The following KITLG variants were observed in gnomAD, a reference collection of about 807,000 sequenced individuals.
The protein encoded by KITLG is c-Kit ligand.
Under a neutral mutation model 34.1 loss-of-function variants are expected in KITLG, and 13 were observed. The ratio of observed to expected loss-of-function variants is 0.38; its 90% confidence interval spans 0.25 to 0.61. KITLG has a LOEUF of 0.61. Ranked by LOEUF, KITLG falls within the 20% of genes least tolerant of loss-of-function variation. The pLI is 0.60. For synonymous variants in KITLG, 110 were observed against 104.0 expected (o/e 1.06, Z -0.35); for missense variants, 292 against 318.9 (o/e 0.92, Z 0.64).
intron 1 of KITLG, among the ~76,000 whole-genome samples, chr12:88,579,673 T>C (rs1008406789): frequency 1.3e-5 from 2 of 152,028 alleles, no homozygotes; most frequent in African/African-American, 4.8e-5. Flanking sequence ...AGCTGCAAAC[T>C]AGGCAGACAC....
At chr12:88,521,588 T>C (rs961641023) in intron 3 of KITLG, among the ~76,000 whole-genome samples, 6 of 152,164 alleles carry the variant, frequency 3.9e-5, no homozygotes, top group African/African-American at 1.4e-4. Flanking sequence ...GAAAGTAAGA[T>C]ATAATGTTCT....
intron 1 of KITLG, among the ~76,000 whole-genome samples, chr12:88,567,975 C>T (rs10777130): frequency 0.75 from 114,052 of 152,150 alleles, 47,778 homozygotes; most frequent in Middle Eastern, 0.93. Context: ...TTTTAGAAGA[C>T]ATTAATAAAC....
intron 8 of KITLG, among the ~76,000 whole-genome samples, 200 bp downstream of exon 8, chr12:88,506,111 G>A (rs1222908650): frequency 1.3e-5 from 2 of 152,152 alleles, no homozygotes; most frequent in Admixed American, 6.5e-5. Context: ...AGACAATTAT[G>A]TGAAGGTATT....
rs1353599951 is a variant in KITLG, at chr12:88,497,166, A to C, written c.*53T>G. 3 of 449,968 alleles carry C rather than the reference A, an allele frequency of 6.7e-6. No homozygotes were observed. The highest frequency in any genetic ancestry group is 1.3e-5 in the Non-Finnish European group (3 of 223,974). 27.9% of individuals were successfully genotyped at this position (449,968 alleles called of 1,614,324 possible). A position where few individuals can be genotyped will look rare whatever the true frequency, so the allele number is the denominator to read the frequency against. On this transcript the variant is annotated 3_prime_UTR_variant, in exon 10 of 10. Transcript: ENST00000644744. The stretch of plus-strand genomic sequence containing the variant: ...AAGCTGCTTCATTTATGAAGCAAAC[A>C]TGAACTGTTACCAGCCTAGAAAGGA...
chr12:88,494,151 T>C lies in KITLG; in HGVS notation c.*3068A>G, dbSNP rs1288920274. ...GAAGAGAGGTGATTTACCATATCAG[T>C]TAATGACAGACTGGAGGCTCCGGAT... On this transcript the variant is annotated 3_prime_UTR_variant, in exon 10 of 10. Coordinates refer to ENST00000644744, the MANE Select transcript of KITLG (RefSeq NM_000899.5). The C allele has an allele frequency of 6.6e-6, 1 of 151,860 alleles. No homozygotes were observed. The allele number at this position is 151,860 out of a possible 1,614,324, so 9.4% of individuals were successfully genotyped here. A position where few individuals can be genotyped will look rare whatever the true frequency, so the allele number is the denominator to read the frequency against.
intron 1 of KITLG, among the ~76,000 whole-genome samples, chr12:88,559,047 CT>C (rs999506621): frequency 6.6e-6 from 1 of 152,148 alleles, no homozygotes; most frequent in Non-Finnish European, 1.5e-5. Flanking sequence ...CAAACACCCC[CT>C]GTTCCCCAAT....
chr12:88,536,822 C>T (rs924346365), intron 2 of KITLG, among the ~76,000 whole-genome samples: 1 of 151,936 alleles, frequency 6.6e-6, no homozygotes, highest in African/African-American at 2.4e-5. Flanking sequence ...CATCACACAC[C>T]AGGGCCTGTT....
At chr12:88,558,285 C>A (rs1871167369) in intron 1 of KITLG, among the ~76,000 whole-genome samples, 1 of 152,096 alleles carries the variant, frequency 6.6e-6, no homozygotes, top group Non-Finnish European at 1.5e-5. Context: ...GAGGAAGCAG[C>A]TCAGAAAATT....
intron 1 of KITLG, among the ~76,000 whole-genome samples, chr12:88,559,934 C>T (rs181391331): frequency 6.6e-6 from 1 of 152,192 alleles, no homozygotes; most frequent in Non-Finnish European, 1.5e-5. Flanking sequence ...ATGCCCAGGA[C>T]TTGTTCTTCT....
Position 88,518,906 on chromosome 12 carries a change from A to G in KITLG, c.193-39T>C, listed in dbSNP as rs376261106. On this transcript the variant is annotated intron_variant, in intron 3 of 9. Transcript: ENST00000644744. ...AAAAAGAGACAAAACAGCTATTTTA[A>G]TAAGTAAGTGCCATAAAACTCGGAG... The G allele has an allele frequency of 6.3e-6, 10 of 1,580,390 alleles. No individual in the cohort carries two copies. In the African/African-American group the frequency reaches 1.3e-4, roughly 21 times the overall value.
At chr12:88,515,685 G>A (rs1869431314) in intron 5 of KITLG, 68 bp from the exon 6 acceptor site, 2 of 1,173,160 alleles carry the variant, frequency 1.7e-6, no homozygotes, top group South Asian at 1.2e-5. Context: ...TCCCTGAAAG[G>A]TGAAGTGCAA....
chr12:88,509,173 A>C (rs1869181964), intron 6 of KITLG, among the ~76,000 whole-genome samples: 2 of 152,160 alleles, frequency 1.3e-5, no homozygotes, highest in Non-Finnish European at 2.9e-5. Flanking sequence ...TCCAATGGAA[A>C]ACTCTAACAA....
At chr12:88,519,050 G>A (rs1024015104) in intron 3 of KITLG, among the ~76,000 whole-genome samples, 183 bp from the exon 4 acceptor site, 4 of 152,028 alleles carry the variant, frequency 2.6e-5, no homozygotes, top group Non-Finnish European at 5.9e-5. Context: ...TTAGTAGAGA[G>A]GAAGTTTCAC....
intron 6 of KITLG, among the ~76,000 whole-genome samples, chr12:88,512,297 T>C (rs1355393191): frequency 6.6e-6 from 1 of 152,034 alleles, no homozygotes; most frequent in Non-Finnish European, 1.5e-5. Context: ...AGATCAGAGA[T>C]GGCAGAACAA....
At chr12:88,507,161 T>C (rs1566018774) in intron 6 of KITLG, 24 bp from the exon 7 acceptor site, 12 of 1,346,678 alleles carry the variant, frequency 8.9e-6, no homozygotes, top group Non-Finnish European at 1.3e-5. Context: ...AACACACTGA[T>C]GAATACAGCA....
chr12:88,563,962 C>A (rs199797270), intron 1 of KITLG, among the ~76,000 whole-genome samples: 16 of 149,420 alleles, frequency 1.1e-4, no homozygotes, highest in South Asian at 2.1e-4. Context: ...AACTCCATCT[C>A]AAAAAAAAAG....
At chr12:88,548,448 C>T (rs892333151) in intron 1 of KITLG, among the ~76,000 whole-genome samples, 1 of 83,338 alleles carries the variant, frequency 1.2e-5, no homozygotes, top group African/African-American at 2.8e-5. Context: ...AGCTAGACTA[C>T]ATCACCAAAA....
intron 3 of KITLG, among the ~76,000 whole-genome samples, chr12:88,520,861 A>C (rs1869631447): frequency 6.6e-6 from 1 of 152,106 alleles, no homozygotes; most frequent in South Asian, 2.1e-4. Flanking sequence ...TTTTCACATA[A>C]CTAAATCAAC....
Position 88,494,857 on chromosome 12 carries a change from T to G in KITLG, c.*2362A>C, listed in dbSNP as rs1426825871. On this transcript the variant is annotated 3_prime_UTR_variant, in exon 10 of 10. Coordinates refer to ENST00000644744, the MANE Select transcript of KITLG (RefSeq NM_000899.5). ...TTTCCATGATTTATGAAGAAGGATATTCAGAACACATCTGGGATAAAATAA... is the reference window on the plus strand; with the variant it reads ...TTTCCATGATTTATGAAGAAGGATAGTCAGAACACATCTGGGATAAAATAA... The G allele has an allele frequency of 1.3e-5, 2 of 152,176 alleles. No individual in the cohort carries two copies. Among genetic ancestry groups the G allele is most frequent in the South Asian group, 4.1e-4 (2 of 4,830 alleles). The allele number at this position is 152,176 out of a possible 1,614,324, so 9.4% of individuals were successfully genotyped here.
Sources: allele counts gnomAD v4.1 joint callset (sites outside exome capture counted in the v4.1 genomes callset), GRCh38; gene constraint gnomAD v4.1.1; transcripts MANE v1.5; gene names NCBI Gene and HGNC (gene_info 2026-07-23, HGNC 2026-07-21).